The following ARHGAP36 variants were observed in gnomAD, a reference collection of about 807,000 sequenced individuals.
ARHGAP36 encodes the protein Rho GTPase activating protein 36.
In ARHGAP36, 7 loss-of-function variants were observed where a neutral mutation model predicts 32.9. The ratio of observed to expected loss-of-function variants is 0.21; its 90% confidence interval spans 0.12 to 0.40. ARHGAP36 has a LOEUF of 0.40. Ranked by LOEUF, ARHGAP36 falls within the 10% of genes least tolerant of loss-of-function variation. ARHGAP36 has a pLI of 1.00. For synonymous variants in ARHGAP36, 165 were observed against 168.3 expected, an observed-to-expected ratio of 0.98 and a Z score of 0.15; for missense variants, 383 against 442.2, an observed-to-expected ratio of 0.87 and a Z score of 1.20.
rs772781806 is a variant in ARHGAP36 at position 131,058,381 on chromosome X, C to T, written c.-206C>T. ...ACTGCGAGCTGCCGGGCACTCAGCG[C>T]GGGTCATGGCGTGGATACTGGACTG... is the stretch of plus-strand genomic sequence containing the variant. On this transcript the variant is annotated 5_prime_UTR_variant, in exon 1 of 12. Transcript: ENST00000276211. The T allele has an allele frequency of 6.4e-5, 72 of 1,124,012 alleles. No individual in the cohort carries two copies. The Admixed American group carries it at 7.8e-4, about 12-fold the overall frequency. The allele number at this position is 1,124,012 out of a possible 1,213,427, so 92.6% of individuals were successfully genotyped here. A position where few individuals can be genotyped will look rare whatever the true frequency, so the allele number is the denominator to read the frequency against.
chrX:131,073,548 C>A (rs1443631165), intron 1 of ARHGAP36, among the ~76,000 whole-genome samples: 1 of 113,114 alleles, frequency 8.8e-6, no homozygotes, highest in African/African-American at 3.2e-5. Flanking sequence ...GGTGGGCTCT[C>A]TCTTCAACTG....
At chrX:131,069,338 A>G (rs1028685027) in intron 1 of ARHGAP36, among the ~76,000 whole-genome samples, 2 of 111,994 alleles carry the variant, frequency 1.8e-5, no homozygotes, top group African/African-American at 6.5e-5. Flanking sequence ...GTAAAGTGTC[A>G]TGTAAAAATA....
At position 131,082,004 on chromosome X, in the gene ARHGAP36, G is replaced by C. The variant is rs1475175923; in HGVS notation, c.253+86G>C. 3 of 1,081,610 alleles carry C rather than the reference G, an allele frequency of 2.8e-6. No individual in the cohort carries two copies. The East Asian group carries it at 9.1e-5, about 33-fold the overall frequency. 89.1% of individuals were successfully genotyped at this position (1,081,610 alleles called of 1,213,427 possible). On this transcript the variant is annotated intron_variant, in intron 2 of 11. Transcript: ENST00000276211. ...ACGGGGCGGATTAGGGGTCTGGCAG[G>C]GTGGGAGGGGCTCACGCCTGATCTC...
chrX:131,084,853 A>G lies in ARHGAP36; in HGVS notation c.805-61A>G, dbSNP rs758632079. On this transcript the variant is annotated intron_variant, in intron 6 of 11. Coordinates refer to ENST00000276211, the MANE Select transcript of ARHGAP36 (RefSeq NM_144967.4). ...ACTGAATACTGGAACCTGTTGAAGG[A>G]ATGACCAAGATGGAGCTGTGGTGGG... 2.6e-5 allele frequency: 31 copies of G among 1,193,379 alleles called. No individual in the cohort carries two copies. The Middle Eastern group carries it at 3.0e-3, about 115-fold the overall frequency.
At chrX:131,079,247 A>T (rs2079781584) in intron 1 of ARHGAP36, among the ~76,000 whole-genome samples, 1 of 112,133 alleles carries the variant, frequency 8.9e-6, no homozygotes, top group African/African-American at 3.2e-5. Flanking sequence ...CTAGAGGCTT[A>T]GTCTGGAACT....
In ARHGAP36 at chrX:131,088,641, G is replaced by T; in HGVS notation, c.1500G>T (p.Glu500Asp). The change falls in exon 12 of 12, where the codon GAG becomes GAT. Residue 500 changes from glutamate (E) to aspartate (D), a missense_variant. Physicochemically the swap from Glu to Asp is conservative, Grantham distance 45 (BLOSUM62 2). Around this residue, in one of 2 missense-constraint regions of ARHGAP36, gnomAD observed 227 missense variants for 311.3 expected, o/e 0.73. Transcript: ENST00000276211. ...SKPSDEGSSEEPAVPSGTARS... is the reference protein window; with the variant it reads ...SKPSDEGSSEDPAVPSGTARS... ...ACTATTTTTCAGGTTCCTCTGAGGA[G>T]CCAGCTGTGCCTTCCGGCACTGCCC... The T allele has an allele frequency of 8.3e-7, 1 of 1,209,562 alleles. No individual in the cohort carries two copies. Among genetic ancestry groups the T allele is most frequent in the Non-Finnish European group, 1.1e-6 (1 of 894,861 alleles).
chrX:131,088,556 T>C lies in ARHGAP36; in HGVS notation c.1487-72T>C, dbSNP rs889778866. ...TGTATTTGAAACTCAAAATTAGGTCTTAGTGCCTTGGGTGCTGCGCAAAGT... is the reference window on the plus strand; with the variant it reads ...TGTATTTGAAACTCAAAATTAGGTCCTAGTGCCTTGGGTGCTGCGCAAAGT... On this transcript the variant is annotated intron_variant, in intron 11 of 11. Transcript: ENST00000276211. 2.7e-6 allele frequency: 3 copies of C among 1,093,566 alleles called. No homozygotes were observed. In the African/African-American group the frequency reaches 5.6e-5, roughly 20 times the overall value. The allele number at this position is 1,093,566 out of a possible 1,213,427, so 90.1% of individuals were successfully genotyped here. A position where few individuals can be genotyped will look rare whatever the true frequency, so the allele number is the denominator to read the frequency against.
chrX:131,063,732 C>G (rs967033493), intron 1 of ARHGAP36, among the ~76,000 whole-genome samples: 116 of 108,428 alleles, frequency 1.1e-3, no homozygotes, highest in Non-Finnish European at 2.0e-3. Context: ...CCCTCCCCCG[C>G]CCCCAATTTC....
At chrX:131,084,064 G>T (rs1019512221) in intron 4 of ARHGAP36, 95 bp downstream of exon 4, 46 of 1,068,090 alleles carry the variant, frequency 4.3e-5, no homozygotes, top group Non-Finnish European at 5.4e-5. Flanking sequence ...TCAGAGGCAG[G>T]GGGGAGCTGA....
chrX:131,088,656 C>A lies in ARHGAP36; in HGVS notation c.1515C>A (p.Ser505=). Residue 505 remains serine, a synonymous_variant, in exon 12 of 12, where the codon TCC becomes TCA. Transcript: ENST00000276211. ...CCTCTGAGGAGCCAGCTGTGCCTTCCGGCACTGCCCGTTCCCATGACGATG... is the reference window on the plus strand; with the variant it reads ...CCTCTGAGGAGCCAGCTGTGCCTTCAGGCACTGCCCGTTCCCATGACGATG... The part of the protein sequence containing the change: ...EGSSEEPAVP[S]GTARSHDDEE... The A allele has an allele frequency of 8.3e-7, 1 of 1,210,370 alleles. No homozygotes were observed. The highest frequency in any genetic ancestry group is 3.0e-5 in the East Asian group (1 of 33,805).
In ARHGAP36 at chrX:131,084,061, CA is replaced by C. The variant is rs2079821169; in HGVS notation, c.555+93del. The C allele has an allele frequency of 1.4e-5, 15 of 1,070,831 alleles. No homozygotes were observed. In the South Asian group the frequency reaches 1.9e-4, roughly 13 times the overall value. 88.2% of individuals were successfully genotyped at this position (1,070,831 alleles called of 1,213,427 possible). A position where few individuals can be genotyped will look rare whatever the true frequency, so the allele number is the denominator to read the frequency against. Reference sequence around the variant, plus strand: ...GGATCAAGGCCTGTGCCCTCAGAGGCAGGGGGGAGCTGAACACAATATGTTG... The same window carrying C: ...GGATCAAGGCCTGTGCCCTCAGAGGCGGGGGGAGCTGAACACAATATGTTG... On this transcript the variant is annotated intron_variant, in intron 4 of 11. Coordinates refer to ENST00000276211, the MANE Select transcript of ARHGAP36 (RefSeq NM_144967.4).
At chrX:131,081,940 G>A in intron 2 of ARHGAP36, 22 bp downstream of exon 2, 1 of 1,206,380 alleles carries the variant, frequency 8.3e-7, no homozygotes, top group Non-Finnish European at 1.1e-6. Context: ...CCCGGATTGT[G>A]GCATCCTCGC....
chrX:131,061,863 T>A (rs949243857), intron 1 of ARHGAP36, among the ~76,000 whole-genome samples: 4 of 112,385 alleles, frequency 3.6e-5, no homozygotes, highest in Non-Finnish European at 5.6e-5. Flanking sequence ...ACAGAATCTG[T>A]GTGATGAAAA....
chrX:131,083,331 A>G, intron 3 of ARHGAP36, 101 bp downstream of exon 3: 1 of 828,686 alleles, frequency 1.2e-6, no homozygotes, highest in East Asian at 3.2e-5. Context: ...CCACTGTCCC[A>G]GGGGACACTC....
At chrX:131,082,002 A>T (rs879003599) in intron 2 of ARHGAP36, 84 bp downstream of exon 2, 1 of 1,077,688 alleles carries the variant, frequency 9.3e-7, no homozygotes, top group Non-Finnish European at 1.3e-6. Flanking sequence ...GGGGTCTGGC[A>T]GGGTGGGAGG....
chrX:131,082,866 T>C (rs1053928103), intron 2 of ARHGAP36, among the ~76,000 whole-genome samples: 2 of 113,114 alleles, frequency 1.8e-5, no homozygotes, highest in Non-Finnish European at 1.9e-5. Context: ...CCGGAATTTA[T>C]GTTTTAAGTG....
rs1335634240 is a variant in ARHGAP36, at chrX:131,081,681, C to G, written c.16C>G (p.Pro6Ala). Residue 6 changes from proline to alanine, a missense_variant, in exon 2 of 12, where the codon CCT (proline) becomes GCT (alanine). Physicochemically the swap from Pro to Ala is conservative, Grantham distance 27. Around this residue, in one of 2 missense-constraint regions of ARHGAP36, gnomAD observed 156 missense variants for 131.0 expected, o/e 1.19. Coordinates refer to ENST00000276211, the MANE Select transcript of ARHGAP36 (RefSeq NM_144967.4). ...CGATTCCAGAATGGGTGGCTGCATTCCTTTTCTGAAGGCAGCAAGGGCACT... is the reference window on the plus strand; with the variant it reads ...CGATTCCAGAATGGGTGGCTGCATTGCTTTTCTGAAGGCAGCAAGGGCACT... Reference protein sequence around the residue: MGGCIPFLKAARALCP... With the variant: MGGCIAFLKAARALCP... The G allele has an allele frequency of 8.4e-7, 1 of 1,195,242 alleles. No individual in the cohort carries two copies. Among genetic ancestry groups the G allele is most frequent in the African/African-American group, 1.8e-5 (1 of 56,540 alleles).
At chrX:131,063,072 A>C (rs1374947447) in intron 1 of ARHGAP36, among the ~76,000 whole-genome samples, 1 of 112,252 alleles carries the variant, frequency 8.9e-6, no homozygotes, top group Admixed American at 9.4e-5. Context: ...GTGAAAAGGA[A>C]TTTCAACTGA....
At chrX:131,058,527 G>A in intron 1 of ARHGAP36, 83 bp downstream of exon 1, 1 of 860,892 alleles carries the variant, frequency 1.2e-6, no homozygotes, top group African/African-American at 2.1e-5. Context: ...GGCGCCCTGG[G>A]GCTTGGCTGG....
Sources: allele counts gnomAD v4.1 joint callset (sites outside exome capture counted in the v4.1 genomes callset), GRCh38; gene constraint gnomAD v4.1.1; regional missense constraint gnomAD v4.1.1; transcripts MANE v1.5; gene names NCBI Gene and HGNC (gene_info 2026-07-23, HGNC 2026-07-21).